DOCK4: variants seen among roughly 807,000 people sequenced by gnomAD.
DOCK4 encodes the protein dedicator of cytokinesis 4.
In DOCK4, 97 loss-of-function variants were observed where a neutral mutation model predicts 268.1. That is an observed-to-expected ratio of 0.36 (90% CI 0.31 to 0.43). The LOEUF (loss-of-function observed/expected upper bound fraction) is 0.43, where lower values mean the gene tolerates loss of function less well. Among genes scored for constraint, DOCK4 ranks in the 20% least tolerant of loss-of-function variants. The probability of loss-of-function intolerance (pLI) is 1.00; values close to 1 mark genes in which losing one functional copy is unlikely to be tolerated. For synonymous variants in DOCK4, 954 were observed against 887.2 expected, an observed-to-expected ratio of 1.08 and a Z score of -1.34; for missense variants, 2,145 against 2,455.7, an observed-to-expected ratio of 0.87 and a Z score of 2.67.
At chr7:111,839,554 A>T (rs1803507127) in intron 25 of DOCK4, among the ~76,000 whole-genome samples, 1 of 152,234 alleles carries the variant, frequency 6.6e-6, no homozygotes, top group South Asian at 2.1e-4. Context: ...TAGGGGAACA[A>T]CCTGTTTGAA....
At chr7:112,033,294 G>A (rs1803448834) in intron 1 of DOCK4, among the ~76,000 whole-genome samples, 1 of 152,062 alleles carries the variant, frequency 6.6e-6, no homozygotes, top group Non-Finnish European at 1.5e-5. Flanking sequence ...ACTGCTTGAG[G>A]CTTAAAGAAG....
rs1221449745 is a variant in DOCK4, at chr7:111,768,851, T to C, written c.3828+678A>G. 3.3e-5 allele frequency among the ~76,000 whole-genome samples: 5 copies of C among 152,356 alleles called. No individual in the cohort carries two copies. In the South Asian group the frequency reaches 1.0e-3, roughly 32 times the overall value. On this transcript the variant is annotated intron_variant, in intron 37 of 52. Coordinates refer to ENST00000428084, the MANE Select transcript of DOCK4 (RefSeq NM_001363540.2). ...TTCAGAGAATACAATATCTGCGTGCTATGGTCTGCATGTTTGGGTCTCTGA... is the reference window on the plus strand; with the variant it reads ...TTCAGAGAATACAATATCTGCGTGCCATGGTCTGCATGTTTGGGTCTCTGA...
At chr7:111,962,662 C>G (rs912477456) in intron 8 of DOCK4, among the ~76,000 whole-genome samples, 5 of 139,604 alleles carry the variant, frequency 3.6e-5, no homozygotes, top group African/African-American at 1.5e-4. Context: ...TTTACCTCAC[C>G]AATTGCATTC....
chr7:111,865,618 A>G (rs760715585), intron 22 of DOCK4, among the ~76,000 whole-genome samples: 1 of 152,234 alleles, frequency 6.6e-6, no homozygotes, highest in Non-Finnish European at 1.5e-5. Context: ...ACATAATGTC[A>G]CATGACAAAA....
At chr7:111,912,884 A>C (rs1792239395) in intron 13 of DOCK4, among the ~76,000 whole-genome samples, 1 of 152,142 alleles carries the variant, frequency 6.6e-6, no homozygotes, top group East Asian at 1.9e-4. Flanking sequence ...AAACTTCAAA[A>C]GTTTTTAAAA....
chr7:112,128,502 G>A (rs574621244), intron 1 of DOCK4, among the ~76,000 whole-genome samples: 2 of 152,220 alleles, frequency 1.3e-5, no homozygotes, highest in Admixed American at 6.5e-5. Context: ...AAAAGATTGA[G>A]AAATCGGATG....
At chr7:111,884,495 A>G (rs1342643668) in intron 16 of DOCK4, among the ~76,000 whole-genome samples, 1 of 152,214 alleles carries the variant, frequency 6.6e-6, no homozygotes, top group African/African-American at 2.4e-5. Context: ...TTTTTAATTT[A>G]TAGATAAAAT....
At chr7:112,126,729 C>T (rs2116008851) in intron 1 of DOCK4, among the ~76,000 whole-genome samples, 1 of 152,176 alleles carries the variant, frequency 6.6e-6, no homozygotes, top group Admixed American at 6.5e-5. Context: ...ACAAACAACC[C>T]CATCAAAAAG....
At chr7:111,952,437 T>C (rs753375263) in intron 8 of DOCK4, among the ~76,000 whole-genome samples, 7 of 152,162 alleles carry the variant, frequency 4.6e-5, no homozygotes, top group Non-Finnish European at 7.4e-5. Context: ...AACCCTTCAG[T>C]TGGGAAGGCC....
intron 13 of DOCK4, among the ~76,000 whole-genome samples, chr7:111,910,969 C>T (rs573041904): frequency 1.6e-4 from 25 of 152,330 alleles, no homozygotes; most frequent in Admixed American, 6.5e-4. Flanking sequence ...TCTGCGCCTA[C>T]GTTTTTCCCA....
intron 23 of DOCK4, among the ~76,000 whole-genome samples, chr7:111,851,615 C>T (rs1185103449): frequency 2.0e-5 from 3 of 151,846 alleles, no homozygotes; most frequent in Non-Finnish European, 4.4e-5. Flanking sequence ...CACCACTGAC[C>T]CTGTTTAAGA....
intron 3 of DOCK4, 48 bp from the exon 4 acceptor site, chr7:111,998,551 T>C (rs1405752797): frequency 2.0e-6 from 3 of 1,495,392 alleles, no homozygotes; most frequent in Non-Finnish European, 2.7e-6. Context: ...TAAGGCAGGG[T>C]TGGTTTCACA....
intron 27 of DOCK4, among the ~76,000 whole-genome samples, chr7:111,814,218 C>T (rs2133925746): frequency 6.6e-6 from 1 of 152,284 alleles, no homozygotes; most frequent in Middle Eastern, 3.4e-3. Context: ...TTGTTATTTA[C>T]ATGGTGGATC....
At chr7:112,137,771 A>G (rs1338484744) in intron 1 of DOCK4, among the ~76,000 whole-genome samples, 1 of 152,236 alleles carries the variant, frequency 6.6e-6, no homozygotes, top group Non-Finnish European at 1.5e-5. Flanking sequence ...TACACTCCTC[A>G]GCCCAGCAAC....
intron 7 of DOCK4, among the ~76,000 whole-genome samples, chr7:111,983,818 T>C (rs868544024): frequency 7.0e-6 from 1 of 142,826 alleles, no homozygotes; most frequent in South Asian, 2.2e-4. Flanking sequence ...TTGGTGTATA[T>C]AGTGCTATTA....
At chr7:111,757,547 T>C (rs1797115515) in intron 41 of DOCK4, among the ~76,000 whole-genome samples, 1 of 152,236 alleles carries the variant, frequency 6.6e-6, no homozygotes, top group Non-Finnish European at 1.5e-5. Flanking sequence ...TGGATCTTTT[T>C]AATACTATCC....
At chr7:111,735,576 C>A (rs1431617255) in intron 50 of DOCK4, among the ~76,000 whole-genome samples, 1 of 152,222 alleles carries the variant, frequency 6.6e-6, no homozygotes, top group Non-Finnish European at 1.5e-5. Flanking sequence ...AATATTTTAA[C>A]TATTTGGCAG....
At chr7:111,729,651 C>G (rs1404257787) in intron 52 of DOCK4, among the ~76,000 whole-genome samples, 1 of 152,150 alleles carries the variant, frequency 6.6e-6, no homozygotes, top group African/African-American at 2.4e-5. Context: ...CCTAAAAACG[C>G]CATAAAACCT....
chr7:111,804,925 AC>A (rs1184739583), intron 30 of DOCK4, among the ~76,000 whole-genome samples: 1 of 152,136 alleles, frequency 6.6e-6, no homozygotes, highest in African/African-American at 2.4e-5. Flanking sequence ...TTTGTATTTT[AC>A]CACAATTAAA....
Sources: allele counts gnomAD v4.1 joint callset (sites outside exome capture counted in the v4.1 genomes callset), GRCh38; gene constraint gnomAD v4.1.1; transcripts MANE v1.5; gene names NCBI Gene and HGNC (gene_info 2026-07-23, HGNC 2026-07-21).